DDX60L: variants seen among roughly 807,000 people sequenced by gnomAD.
The protein encoded by DDX60L is probable ATP-dependent RNA helicase DDX60-like.
In DDX60L, 191 loss-of-function variants were observed where a neutral mutation model predicts 211.6. The observed-to-expected ratio is 0.90, with a 90% CI of 0.80 to 1.02. DDX60L has a LOEUF of 1.02. Among genes scored for constraint, DDX60L ranks in the 50% least tolerant of loss-of-function variants. DDX60L has a pLI of 0.00. For synonymous variants in DDX60L, 706 were observed against 694.1 expected (o/e 1.02, Z -0.27); for missense variants, 2,007 against 1,984.1 (o/e 1.01, Z -0.22).
rs1363291490 is a variant in DDX60L, at chr4:168,406,646, A to G, written c.3040T>C (p.Tyr1014His). Residue 1014 changes from tyrosine to histidine, a missense_variant, in exon 23 of 38, where the codon TAT becomes CAT. Tyr to His is a moderately conservative substitution (Grantham distance 83, BLOSUM62 2). Transcript: ENST00000682922. ...TLTPQESIQL[Y>H]DTMAQVWETW... ...TCCCAGACTTGAGCCATGGTATCAT[A>G]AAGCTGGATGCTTTCTTGAGGGGTG... 1.2e-6 allele frequency: 2 copies of G among 1,607,016 alleles called. No homozygotes were observed. The highest frequency in any genetic ancestry group is 2.2e-5 in the South Asian group (2 of 89,396).
At chr4:168,442,301 T>TA (rs1377274575) in intron 9 of DDX60L, among the ~76,000 whole-genome samples, 4 of 152,026 alleles carry the variant, frequency 2.6e-5, no homozygotes, top group Non-Finnish European at 5.9e-5. Context: ...GCGACGGGCT[T>TA]AAAAAACGGC....
intron 37 of DDX60L, among the ~76,000 whole-genome samples, chr4:168,359,223 G>A (rs1738691676): frequency 6.6e-6 from 1 of 152,136 alleles, no homozygotes; most frequent in African/African-American, 2.4e-5. Flanking sequence ...CTGAATATTA[G>A]GAATGATCAC....
At chr4:168,441,845 C>T (rs950425608) in intron 9 of DDX60L, among the ~76,000 whole-genome samples, 2 of 151,996 alleles carry the variant, frequency 1.3e-5, no homozygotes, top group Non-Finnish European at 2.9e-5. Context: ...AGGAACATCA[C>T]CATTTTAATC....
At position 168,430,549 on chromosome 4, in the gene DDX60L, T is replaced by C. The variant is rs540330308; in HGVS notation, c.1606A>G (p.Thr536Ala). ...GTAGTTTGAGTCACAATGACTTTCG[T>C]AGAGATTGATTCTAACGATTTCCCA... ...FYGKSLESIS[T>A]KVIVTQTTRP... The change falls in exon 13 of 38, where the codon ACG becomes GCG. Residue 536 changes from threonine (T) to alanine (A), a missense_variant. Transcript: ENST00000682922. 4 of 1,611,146 alleles carry C rather than the reference T, an allele frequency of 2.5e-6. No homozygotes were observed. The African/African-American group carries it at 4.0e-5, about 16-fold the overall frequency.
intron 27 of DDX60L, 111 bp from the exon 28 acceptor site, chr4:168,394,728 G>A: frequency 1.0e-6 from 1 of 980,080 alleles, no homozygotes. Flanking sequence ...CTTGCACACA[G>A]TGAGGCTGCC....
chr4:168,391,686 T>C (rs1299690401), intron 28 of DDX60L, 42 bp from the exon 29 acceptor site: 2 of 1,069,300 alleles, frequency 1.9e-6, no homozygotes, highest in East Asian at 2.6e-5. Flanking sequence ...CAATATAGCA[T>C]ATCTATAAGG....
chr4:168,475,661 A>AT (rs397776527), intron 1 of DDX60L, among the ~76,000 whole-genome samples: 3 of 151,806 alleles, frequency 2.0e-5, no homozygotes, highest in Non-Finnish European at 1.5e-5. Context: ...AAAAAAAAAA[A>AT]TAGGGAGCCC....
rs1226134598 is a variant in DDX60L at position 168,475,771 on chromosome 4, TG to T, written c.-110-2963del. 3.3e-5 allele frequency among the ~76,000 whole-genome samples: 5 copies of T among 152,242 alleles called. No homozygotes were observed. The East Asian group carries it at 9.7e-4, about 29-fold the overall frequency. On this transcript the variant is annotated intron_variant, in intron 1 of 37. Coordinates refer to ENST00000682922, the MANE Select transcript of DDX60L (RefSeq NM_001012967.3). ...ACCCCAGTGTGATGGTAATTGGAGA[TG>T]GGGGCTTCAGGAGGTAATTAGGATT...
chr4:168,438,030 T>C lies in DDX60L; in HGVS notation c.1294+3307A>G, dbSNP rs917439326. On this transcript the variant is annotated intron_variant, in intron 10 of 37. Coordinates refer to ENST00000682922, the MANE Select transcript of DDX60L (RefSeq NM_001012967.3). Reference sequence around the variant, plus strand: ...CTGGGATTACAGGCACATGCCACCATGCCCAGATAATTTTTTGTATTTTTA... The same window carrying C: ...CTGGGATTACAGGCACATGCCACCACGCCCAGATAATTTTTTGTATTTTTA... 2.5e-4 allele frequency among the ~76,000 whole-genome samples: 38 copies of C among 152,148 alleles called. 1 individual carries two copies. The South Asian group carries it at 5.2e-3, about 21-fold the overall frequency.
At chr4:168,422,957 T>C (rs1180413450) in intron 15 of DDX60L, among the ~76,000 whole-genome samples, 2 of 99,700 alleles carry the variant, frequency 2.0e-5, no homozygotes, top group Non-Finnish European at 3.9e-5. Context: ...ATGCTATCAA[T>C]TGTGGCTAAT....
rs1053110156 is a variant in DDX60L at position 168,382,941 on chromosome 4, C to T, written c.4116+1671G>A. On this transcript the variant is annotated intron_variant, in intron 30 of 37. Coordinates refer to ENST00000682922, the MANE Select transcript of DDX60L (RefSeq NM_001012967.3). The stretch of plus-strand genomic sequence containing the variant: ...TAGCATTTATGTGTTTACTACTCAT[C>T]GAATATGATGCTAAGAAGTCCTTGA... 1.3e-4 allele frequency among the ~76,000 whole-genome samples: 20 copies of T among 152,236 alleles called. 1 individual carries two copies. Among genetic ancestry groups the T allele is most frequent in the Admixed American group, 3.9e-4 (6 of 15,294 alleles).
At position 168,423,618 on chromosome 4, in the gene DDX60L, T is replaced by C. The variant is rs770133347; in HGVS notation, c.2087A>G (p.Asp696Gly). The change falls in exon 15 of 38, where the codon GAT (aspartate) becomes GGT (glycine). Residue 696 changes from aspartate (D) to glycine (G), a missense_variant. By Grantham distance (94) the Asp-to-Gly change is moderately conservative. Coordinates refer to ENST00000682922, the MANE Select transcript of DDX60L (RefSeq NM_001012967.3). ...LGFNDLANSLDPTLIGDDKNK... is the reference protein window; with the variant it reads ...LGFNDLANSLGPTLIGDDKNK... ...TTCTAGTTCTCTTACCAGAGTTGGA[T>C]CCAAAGAGTTTGCCAGATCATTAAA... is the stretch of plus-strand genomic sequence containing the variant. 3.8e-6 allele frequency: 6 copies of C among 1,574,224 alleles called. No individual in the cohort carries two copies. In the African/African-American group the frequency reaches 6.8e-5, roughly 18 times the overall value.
rs1190800819 is a variant in DDX60L at position 168,441,469 on chromosome 4, A to G, written c.1162T>C (p.Ser388Pro). 6.2e-7 allele frequency: 1 copy of G among 1,601,146 alleles called. No homozygotes were observed. Among genetic ancestry groups the G allele is most frequent in the Non-Finnish European group, 8.5e-7 (1 of 1,174,584 alleles). The change falls in exon 10 of 38, where the codon TCC becomes CCC. Residue 388 changes from serine to proline, a missense_variant. Coordinates refer to ENST00000682922, the MANE Select transcript of DDX60L (RefSeq NM_001012967.3). The stretch of plus-strand genomic sequence containing the variant: ...AGGTCTTCATAATCCCTCCTAATGG[A>G]ATCTCCCAAATTCAAATGTGGTTCT... ...TQEPHLNLGDSIRRDYEDLWN... is the reference protein window; with the variant it reads ...TQEPHLNLGDPIRRDYEDLWN...
chr4:168,381,397 C>T (rs1560953218), intron 30 of DDX60L, among the ~76,000 whole-genome samples: 2 of 152,012 alleles, frequency 1.3e-5, no homozygotes, highest in Non-Finnish European at 2.9e-5. Context: ...CCTCAGCCTC[C>T]CAAATAGCTG....
chr4:168,368,486 G>A (rs1205196537), intron 36 of DDX60L, among the ~76,000 whole-genome samples: 1 of 152,248 alleles, frequency 6.6e-6, no homozygotes, highest in Non-Finnish European at 1.5e-5. Flanking sequence ...GGCCCCCATG[G>A]AGAACCTGTT....
intron 22 of DDX60L, among the ~76,000 whole-genome samples, chr4:168,414,844 T>C (rs1259936474): frequency 6.6e-6 from 1 of 151,248 alleles, no homozygotes; most frequent in East Asian, 1.9e-4. Context: ...AGTAGAGTGA[T>C]GGTTACCAGA....
At chr4:168,437,141 G>T (rs996982482) in intron 10 of DDX60L, among the ~76,000 whole-genome samples, 6 of 152,228 alleles carry the variant, frequency 3.9e-5, no homozygotes, top group Non-Finnish European at 8.8e-5. Context: ...GGACTGGACT[G>T]TGTTCTTCAA....
In DDX60L at chr4:168,472,489, T is replaced by C; in HGVS notation, c.40A>G (p.Thr14Ala). 1.3e-6 allele frequency: 2 copies of C among 1,574,816 alleles called. No homozygotes were observed. The highest frequency in any genetic ancestry group is 4.6e-5 in the East Asian group (2 of 43,192). The change falls in exon 3 of 38, where the codon ACA becomes GCA. Residue 14 changes from threonine (T) to alanine (A), a missense_variant. Coordinates refer to ENST00000682922, the MANE Select transcript of DDX60L (RefSeq NM_001012967.3). ...KDHAVFFREM[T>A]QLILNEMPKA... ...GGCATTTCATTCAAAATTAACTGTG[T>C]CATTTCCCTGAAAAATACTGCATGA...
chr4:168,469,270 T>A (rs1579865521), intron 4 of DDX60L: 1 of 14,460 alleles, frequency 6.9e-5, no homozygotes. Context: ...AATCATTTGA[T>A]TTTTTGATGA....
Sources: gnomAD v4.1 joint callset for allele counts (sites outside exome capture counted in the v4.1 genomes callset) on GRCh38, gnomAD v4.1.1 for gene constraint, MANE v1.5 for transcripts, NCBI Gene and HGNC (gene_info 2026-07-23, HGNC 2026-07-21) for gene names.